Variants in SLX4 observed in about 807,000 individuals in gnomAD.
The protein encoded by SLX4 is structure-specific endonuclease subunit SLX4.
SLX4 carries 112 observed loss-of-function variants against 146.2 expected under a neutral mutation model. The ratio of observed to expected loss-of-function variants is 0.77; its 90% CI spans 0.66 to 0.90. The LOEUF is 0.90. SLX4 is among the 40% of genes least tolerant of loss of function. The pLI, the probability that SLX4 is intolerant of heterozygous loss-of-function variation, is 0.00. For synonymous variants in SLX4, 1,061 were observed against 997.7 expected (o/e 1.06, Z -1.20); for missense variants, 2,563 against 2,392.7 (o/e 1.07, Z -1.49).
At position 3,597,267 on chromosome 16, in the gene SLX4, G is replaced by T; in HGVS notation, c.1683+112C>A. 3 of 1,283,046 alleles carry T rather than the reference G, an allele frequency of 2.3e-6. No homozygotes were observed. The highest frequency in any genetic ancestry group is 3.1e-6 in the Non-Finnish European group (3 of 952,924). The allele number at this position is 1,283,046 out of a possible 1,614,324, so 79.5% of individuals were successfully genotyped here. Reference sequence around the variant, plus strand: ...GCCCCTCTGGCCTCCTCCCGCCTCTGCCTTTCCTTCCTGGACTTTCCATCA... The same window carrying T: ...GCCCCTCTGGCCTCCTCCCGCCTCTTCCTTTCCTTCCTGGACTTTCCATCA... On this transcript the variant is annotated intron_variant, in intron 7 of 14. Transcript: ENST00000294008. This position sits in a 1 kb window ranked among gnomAD's most constrained non-coding sequence, Gnocchi z 4.4.
Position 3,601,049 on chromosome 16 carries a change from G to A in SLX4, c.1093C>T (p.Gln365Ter), listed in dbSNP as rs1445540530. The A allele has an allele frequency of 6.2e-7, 1 of 1,613,776 alleles. No homozygotes were observed. The highest frequency in any genetic ancestry group is 8.5e-7 in the Non-Finnish European group (1 of 1,179,952). ...AGCCGCACAGCCTGAAGCAGGAGCT[G>A]GGGGCCAACCTCCATCTTCACAGCA... ...QCAVKMEVGPQLLLQAVRLQT... is the reference protein window; with the variant it reads ...QCAVKMEVGP The change falls in exon 5 of 15, where the codon CAG (glutamine) becomes TAG (stop). Residue 365 changes from glutamine (Q) to a stop codon, truncating the protein, a stop_gained. Transcript: ENST00000294008. LOFTEE classifies it high-confidence loss of function.
chr16:3,593,484 C>T (rs541579844), intron 10 of SLX4, among the ~76,000 whole-genome samples: 3 of 152,306 alleles, frequency 2.0e-5, no homozygotes, highest in South Asian at 4.1e-4. Flanking sequence ...TCCCAAAGTA[C>T]GGGGATCTCA....
intron 5 of SLX4, 150 bp from the exon 6 acceptor site, chr16:3,598,149 G>C (rs62037799): frequency 5.3e-5 from 47 of 886,986 alleles, no homozygotes; most frequent in Middle Eastern, 2.7e-4. Flanking sequence ...CCACTGCCTT[G>C]TGTGAACTCA....
chr16:3,611,204 C>G (rs1212810354), intron 1 of SLX4, among the ~76,000 whole-genome samples: 1 of 152,256 alleles, frequency 6.6e-6, no homozygotes, highest in Non-Finnish European at 1.5e-5. Context: ...CTTCCCCCAA[C>G]CCGGCGACCT....
At chr16:3,603,498 C>T (rs543708328) in intron 3 of SLX4, among the ~76,000 whole-genome samples, 2 of 152,348 alleles carry the variant, frequency 1.3e-5, no homozygotes, top group South Asian at 2.1e-4. Context: ...GCGTCCAGGA[C>T]TGATGCCTCG....
At chr16:3,594,314 A>G in intron 10 of SLX4, 139 bp downstream of exon 10, 2 of 1,223,470 alleles carry the variant, frequency 1.6e-6, no homozygotes, top group South Asian at 2.6e-5. Context: ...GGAGAAGGTG[A>G]GAACATGGTG....
At chr16:3,587,777 G>A (rs2040524473) in intron 12 of SLX4, among the ~76,000 whole-genome samples, 1 of 152,236 alleles carries the variant, frequency 6.6e-6, no homozygotes, top group South Asian at 2.1e-4. Flanking sequence ...AAGCCCCTGA[G>A]GGCCGAGGAC....
intron 3 of SLX4, among the ~76,000 whole-genome samples, chr16:3,602,912 T>C (rs545523379): frequency 1.3e-5 from 2 of 152,304 alleles, no homozygotes; most frequent in South Asian, 2.1e-4. Flanking sequence ...CCATCTGATA[T>C]TGCTGGAGCA....
intron 12 of SLX4, among the ~76,000 whole-genome samples, chr16:3,588,613 A>G (rs113644461): frequency 7.9e-5 from 12 of 152,350 alleles, no homozygotes; most frequent in African/African-American, 2.6e-4. Flanking sequence ...TGGGTCCTGC[A>G]GTCAATCTAC....
intron 3 of SLX4, among the ~76,000 whole-genome samples, chr16:3,606,244 C>A (rs2040781393): frequency 6.6e-6 from 1 of 152,052 alleles, no homozygotes; most frequent in Non-Finnish European, 1.5e-5. Context: ...GAGCAAGGCT[C>A]TGTCTCAGAA....
At chr16:3,595,957 A>AG (rs1184241011) in intron 8 of SLX4, among the ~76,000 whole-genome samples, 196 bp downstream of exon 8, 1 of 152,244 alleles carries the variant, frequency 6.6e-6, no homozygotes, top group Non-Finnish European at 1.5e-5. Flanking sequence ...TTAAAGTGGA[A>AG]GGAAAATCAT....
At position 3,597,949 on chromosome 16, in the gene SLX4, T is replaced by C; in HGVS notation, c.1214A>G (p.Lys405Arg). ...GLKRRGPTSK[K>R]EPRKRRKVDE... ...CACCTTCCGCCTCTTCCGTGGCTCC[T>C]TCTTGCTGGTGGGTCCTCTCCGTTT... The change falls in exon 6 of 15, where the codon AAG (lysine) becomes AGG (arginine). Residue 405 changes from lysine (K) to arginine (R), a missense_variant. Transcript: ENST00000294008. The surrounding 1 kb of genome is among the most constrained non-coding windows in gnomAD (Gnocchi z 4.4). 6.2e-7 allele frequency: 1 copy of C among 1,614,162 alleles called. No homozygotes were observed.
intron 4 of SLX4, chr16:3,601,808 CA>C: frequency 2.6e-6 from 1 of 392,080 alleles, no homozygotes; most frequent in Non-Finnish European, 4.8e-6. Flanking sequence ...GAGAGAGGGG[CA>C]ATAGGGAGTG....
Position 3,589,639 on chromosome 16 carries a change from A to G in SLX4, c.3999T>C (p.Ser1333=). Residue 1333 remains serine (S), a synonymous_variant, in exon 12 of 15, where the codon TCT becomes TCC. Coordinates refer to ENST00000294008, the MANE Select transcript of SLX4 (RefSeq NM_032444.4). The surrounding 1 kb of genome is among the most constrained non-coding windows in gnomAD (Gnocchi z 6.2). ...TTCTGTGGCCTTGCCTTCTGCCGTC[A>G]GAAGTTCCTGGAGAGACGGGAGTGA... ...SCLTPVSPGT[S]DGRRQGHRSP... 6.2e-7 allele frequency: 1 copy of G among 1,614,038 alleles called. No homozygotes were observed. Among genetic ancestry groups the G allele is most frequent in the South Asian group, 1.1e-5 (1 of 91,080 alleles).
In SLX4 at chr16:3,601,101, C is replaced by T. The variant is rs1157115699; in HGVS notation, c.1041G>A (p.Lys347=). ...ACTGCTTCAAGTGACTGGTTCTGCT[C>T]TTTAAGGTAAGAAACGGTTTCCCAC... The part of the protein sequence containing the change: ...PICGKPFLTL[K]SRTSHLKQCA... Residue 347 remains lysine (K), a synonymous_variant, in exon 5 of 15, where the codon AAG becomes AAA. Transcript: ENST00000294008. 3 of 1,614,038 alleles carry T rather than the reference C, an allele frequency of 1.9e-6. No individual in the cohort carries two copies. Among genetic ancestry groups the T allele is most frequent in the Non-Finnish European group, 2.5e-6 (3 of 1,180,046 alleles).
intron 5 of SLX4, among the ~76,000 whole-genome samples, chr16:3,599,281 G>A (rs1248846322): frequency 6.6e-6 from 1 of 152,178 alleles, no homozygotes. Context: ...TGCAAAGCAG[G>A]GGGCGGGACA....
chr16:3,602,573 G>T (rs1320189302), intron 3 of SLX4, among the ~76,000 whole-genome samples: 2 of 152,184 alleles, frequency 1.3e-5, no homozygotes, highest in Non-Finnish European at 2.9e-5. Context: ...AATTCAAGGG[G>T]TCCAGGTGCA....
intron 12 of SLX4, among the ~76,000 whole-genome samples, chr16:3,587,601 C>T (rs774641696): frequency 2.6e-5 from 4 of 152,212 alleles, no homozygotes; most frequent in Non-Finnish European, 4.4e-5. Flanking sequence ...GCCGCAGCGT[C>T]GTCCTGAAGC....
Position 3,597,626 on chromosome 16 carries a change from G to T in SLX4, c.1436C>A (p.Thr479Lys), listed in dbSNP as rs1183114897. The T allele has an allele frequency of 6.2e-7, 1 of 1,614,012 alleles. No individual in the cohort carries two copies. The highest frequency in any genetic ancestry group is 1.3e-5 in the African/African-American group (1 of 74,930). Reference protein sequence around the residue: ...PLLLVQDSETTGRQIEDRVAL... With the variant: ...PLLLVQDSETKGRQIEDRVAL... ...CACACGGTCCTCTATCTGTCGGCCT[G>T]TGGTTTCAGAGTCCTGGACTAACAA... The change falls in exon 7 of 15, where the codon ACA becomes AAA. Residue 479 changes from threonine to lysine, a missense_variant. Coordinates refer to ENST00000294008, the MANE Select transcript of SLX4 (RefSeq NM_032444.4). The surrounding 1 kb of genome is among the most constrained non-coding windows in gnomAD (Gnocchi z 4.4).
Sources: gnomAD v4.1 joint callset for allele counts (sites outside exome capture counted in the v4.1 genomes callset) on GRCh38, gnomAD v4.1.1 for gene constraint, Gnocchi (gnomAD v3.1) non-coding constraint, MANE v1.5 for transcripts, NCBI Gene and HGNC (gene_info 2026-07-23, HGNC 2026-07-21) for gene names.